CTNNA2: variants seen among roughly 807,000 people sequenced by gnomAD.
The protein encoded by CTNNA2 is catenin alpha-2.
CTNNA2 carries 42 observed loss-of-function variants against 101.0 expected under a neutral mutation model. That is an observed-to-expected ratio of 0.42 (90% CI 0.32 to 0.54). CTNNA2 has a LOEUF of 0.54. Among genes scored for constraint, CTNNA2 ranks in the 20% least tolerant of loss-of-function variants. CTNNA2 has a pLI of 0.14. For synonymous variants in CTNNA2, 450 were observed against 456.4 expected (o/e 0.99, Z 0.18); for missense variants, 871 against 1,223.1 (o/e 0.71, Z 4.29).
intron 3 of CTNNA2, among the ~76,000 whole-genome samples, chr2:79,805,150 C>A (rs1020920396): frequency 1.1e-4 from 16 of 152,200 alleles, no homozygotes; most frequent in African/African-American, 3.9e-4. Flanking sequence ...GTGTAATAAG[C>A]CCAAGGGGAC....
At chr2:79,882,922 C>T (rs910793547) in intron 6 of CTNNA2, among the ~76,000 whole-genome samples, 1 of 42,770 alleles carries the variant, frequency 2.3e-5, no homozygotes, top group Non-Finnish European at 4.9e-5. Context: ...TCACTCACTG[C>T]CTTCCTTGGC....
intron 2 of CTNNA2, among the ~76,000 whole-genome samples, chr2:79,207,542 A>G (rs754341248): frequency 1.5e-4 from 23 of 152,178 alleles, no homozygotes; most frequent in Admixed American, 1.0e-3. Flanking sequence ...TTATCACTCC[A>G]ACACATAAAA....
intron 17 of CTNNA2, among the ~76,000 whole-genome samples, chr2:80,613,975 C>A (rs950384662): frequency 6.6e-6 from 1 of 151,440 alleles, no homozygotes; most frequent in Admixed American, 6.6e-5. Context: ...AGTGCCATTA[C>A]TTGTCATTCA....
intron 1 of CTNNA2, among the ~76,000 whole-genome samples, chr2:79,548,412 C>G (rs1046267626): frequency 2.6e-5 from 4 of 152,116 alleles, no homozygotes; most frequent in African/African-American, 7.2e-5. Flanking sequence ...AGAAATCATT[C>G]CTTTCCATTT....
At chr2:79,440,937 G>GCC (rs1678770946) in intron 4 of CTNNA2, among the ~76,000 whole-genome samples, 1 of 152,212 alleles carries the variant, frequency 6.6e-6, no homozygotes, top group East Asian at 1.9e-4. Context: ...TGGGATTCAT[G>GCC]TTTTCCACTT....
intron 4 of CTNNA2, among the ~76,000 whole-genome samples, chr2:79,374,448 C>T (rs573703916): frequency 6.6e-6 from 1 of 152,150 alleles, no homozygotes; most frequent in African/African-American, 2.4e-5. Flanking sequence ...AAATAAAATT[C>T]TTTATCTCCT....
intron 7 of CTNNA2, among the ~76,000 whole-genome samples, chr2:80,305,487 G>A (rs1471136078): frequency 6.6e-6 from 1 of 151,906 alleles, no homozygotes; most frequent in African/African-American, 2.4e-5. Context: ...GGGCCCTGCA[G>A]TGCACCCCAC....
intron 3 of CTNNA2, among the ~76,000 whole-genome samples, chr2:79,336,769 C>A (rs569012536): frequency 6.6e-5 from 10 of 152,270 alleles, no homozygotes; most frequent in Admixed American, 5.9e-4. Flanking sequence ...AGGGCCCTAT[C>A]TGTGTCGTCA....
intron 7 of CTNNA2, among the ~76,000 whole-genome samples, chr2:80,042,461 C>G (rs1465609912): frequency 6.6e-6 from 1 of 152,098 alleles, no homozygotes; most frequent in Admixed American, 6.6e-5. Context: ...AAAGAAACAT[C>G]GAAGGTGAGA....
intron 3 of CTNNA2, among the ~76,000 whole-genome samples, chr2:79,815,026 G>C (rs1188669617): frequency 6.6e-6 from 1 of 152,104 alleles, no homozygotes; most frequent in African/African-American, 2.4e-5. Context: ...CTAATTATTG[G>C]TGATGTTGAG....
intron 7 of CTNNA2, among the ~76,000 whole-genome samples, chr2:80,095,215 G>A (rs1268764847): frequency 6.6e-6 from 1 of 151,988 alleles, no homozygotes; most frequent in East Asian, 1.9e-4. Flanking sequence ...TGGCGTGAAG[G>A]TTGTTGAATT....
intron 4 of CTNNA2, among the ~76,000 whole-genome samples, chr2:79,460,240 A>G (rs973706854): frequency 3.3e-5 from 5 of 152,162 alleles, no homozygotes; most frequent in African/African-American, 1.2e-4. Flanking sequence ...ATAATTTCAT[A>G]ATTTGTTACA....
At chr2:79,973,189 A>G (rs909742794) in intron 7 of CTNNA2, among the ~76,000 whole-genome samples, 11 of 151,966 alleles carry the variant, frequency 7.2e-5, no homozygotes, top group Non-Finnish European at 1.6e-4. Context: ...AAAATCAGAT[A>G]TTTTAATTTC....
chr2:80,079,484 C>T (rs753016740), intron 7 of CTNNA2, among the ~76,000 whole-genome samples: 1 of 152,074 alleles, frequency 6.6e-6, no homozygotes, highest in Non-Finnish European at 1.5e-5. Flanking sequence ...GAGAGATAGC[C>T]CTGCCTCTAG....
intron 1 of CTNNA2, chr2:79,634,761 G>A (rs533645764): frequency 6.6e-6 from 1 of 152,210 alleles, no homozygotes; most frequent in African/African-American, 2.4e-5. Flanking sequence ...ACAAGAAAAG[G>A]CTTAGAAGGA....
At chr2:79,623,209 A>G (rs1175672148) in intron 1 of CTNNA2, among the ~76,000 whole-genome samples, 2 of 152,146 alleles carry the variant, frequency 1.3e-5, no homozygotes, top group South Asian at 2.1e-4. Flanking sequence ...TATAAAGAGG[A>G]TGTTTTGAAC....
intron 13 of CTNNA2, chr2:80,575,316 A>G (rs781320522): frequency 9.2e-5 from 14 of 152,170 alleles, no homozygotes; most frequent in Non-Finnish European, 1.8e-4. Flanking sequence ...AATTAATTAT[A>G]ATTTTAAAAA....
intron 3 of CTNNA2, among the ~76,000 whole-genome samples, chr2:79,337,907 G>A (rs1417869220): frequency 6.6e-6 from 1 of 152,088 alleles, no homozygotes; most frequent in Non-Finnish European, 1.5e-5. Flanking sequence ...AAGGAGGTAA[G>A]AGAAATTTAT....
intron 2 of CTNNA2, among the ~76,000 whole-genome samples, chr2:79,656,333 C>T (rs1681612057): frequency 6.6e-6 from 1 of 152,082 alleles, no homozygotes; most frequent in African/African-American, 2.4e-5. Context: ...TGAGAGGGAA[C>T]CAAACCAAGG....
Sources: gnomAD v4.1 joint callset for allele counts (sites outside exome capture counted in the v4.1 genomes callset) on GRCh38, gnomAD v4.1.1 for gene constraint, MANE v1.5 for transcripts, NCBI Gene and HGNC (gene_info 2026-07-23, HGNC 2026-07-21) for gene names.